TRABD2A: variants seen among roughly 807,000 people sequenced by gnomAD.
TRABD2A encodes metalloprotease TIKI1.
Under a neutral mutation model 45.6 loss-of-function variants are expected in TRABD2A, and 43 were observed. The ratio of observed to expected loss-of-function variants is 0.94; its 90% confidence interval spans 0.74 to 1.22. The LOEUF (loss-of-function observed/expected upper bound fraction) is 1.22, where lower values mean the gene tolerates loss of function less well. TRABD2A is among the 50% of genes most tolerant of loss of function. The pLI, the probability that TRABD2A is intolerant of heterozygous loss-of-function variation, is 0.00. For synonymous variants in TRABD2A, 269 were observed against 265.0 expected (o/e 1.02, Z -0.15); for missense variants, 642 against 652.4 (o/e 0.98, Z 0.17).
At chr2:84,849,542 TG>T (rs200162894) in intron 2 of TRABD2A, 2,396 of 152,402 alleles carry the variant, frequency 0.016, 62 homozygotes, top group South Asian at 0.12. Context: ...CCAGCTCTTT[TG>T]TACACCAGCT....
At chr2:84,844,953 C>A (rs1012304480) in intron 2 of TRABD2A, among the ~76,000 whole-genome samples, 1 of 152,192 alleles carries the variant, frequency 6.6e-6, no homozygotes, top group African/African-American at 2.4e-5. Context: ...ATTTTTCTTT[C>A]TTAAGGTTTT....
At chr2:84,842,867 G>C (rs1245959414) in intron 2 of TRABD2A, among the ~76,000 whole-genome samples, 1 of 152,024 alleles carries the variant, frequency 6.6e-6, no homozygotes, top group Non-Finnish European at 1.5e-5. Flanking sequence ...ACATATTTGA[G>C]GCATACATCA....
At chr2:84,875,548 A>C (rs1683000672) in intron 1 of TRABD2A, among the ~76,000 whole-genome samples, 1 of 152,130 alleles carries the variant, frequency 6.6e-6, no homozygotes, top group Non-Finnish European at 1.5e-5. Context: ...GGTTTTTGAG[A>C]GAGGAGTGAC....
At chr2:84,838,583 T>C (rs1004828192) in intron 4 of TRABD2A, among the ~76,000 whole-genome samples, 8 of 152,240 alleles carry the variant, frequency 5.3e-5, no homozygotes, top group African/African-American at 1.7e-4. Context: ...ATGATCTTTC[T>C]GCATACTGTC....
At chr2:84,857,593 C>G (rs1211757942) in intron 2 of TRABD2A, among the ~76,000 whole-genome samples, 1 of 152,184 alleles carries the variant, frequency 6.6e-6, no homozygotes, top group Non-Finnish European at 1.5e-5. Flanking sequence ...TCTGCAATAT[C>G]CATGATCAGC....
chr2:84,843,317 G>GT (rs1273865065), intron 2 of TRABD2A, among the ~76,000 whole-genome samples: 5 of 152,122 alleles, frequency 3.3e-5, no homozygotes, highest in Non-Finnish European at 7.4e-5. Context: ...TCTTTAGCAA[G>GT]ATGTTTCAAC....
intron 1 of TRABD2A, among the ~76,000 whole-genome samples, chr2:84,876,245 G>A (rs146713770): frequency 1.5e-3 from 236 of 152,298 alleles, no homozygotes; most frequent in African/African-American, 5.5e-3. Flanking sequence ...TCATCACCAT[G>A]TAGATGTTCT....
chr2:84,861,162 G>A (rs979460819), intron 2 of TRABD2A, among the ~76,000 whole-genome samples: 2 of 152,216 alleles, frequency 1.3e-5, no homozygotes, highest in African/African-American at 2.4e-5. Flanking sequence ...GTACAGTTTG[G>A]TGGAAGACAA....
chr2:84,871,058 C>T (rs1380803818), intron 1 of TRABD2A, among the ~76,000 whole-genome samples: 2 of 152,108 alleles, frequency 1.3e-5, no homozygotes, highest in Non-Finnish European at 2.9e-5. Flanking sequence ...ATCTCTGAGT[C>T]CTACCTCCAG....
At chr2:84,877,541 G>A (rs1201392260) in intron 1 of TRABD2A, among the ~76,000 whole-genome samples, 1 of 152,124 alleles carries the variant, frequency 6.6e-6, no homozygotes, top group Admixed American at 6.6e-5. Flanking sequence ...GGAGTTGAAG[G>A]TTACAATGAG....
At chr2:84,844,991 C>T (rs940486897) in intron 2 of TRABD2A, among the ~76,000 whole-genome samples, 6 of 152,294 alleles carry the variant, frequency 3.9e-5, no homozygotes, top group Non-Finnish European at 8.8e-5. Flanking sequence ...ATTGAGTTAC[C>T]CATTGTAACA....
At chr2:84,827,688 T>C (rs939911666) in intron 5 of TRABD2A, among the ~76,000 whole-genome samples, 44 of 152,270 alleles carry the variant, frequency 2.9e-4, no homozygotes, top group Admixed American at 1.9e-3. Context: ...GGACCTTAAG[T>C]TGAGGAGAGT....
intron 3 of TRABD2A, among the ~76,000 whole-genome samples, chr2:84,840,710 C>T (rs1279325026): frequency 6.6e-6 from 1 of 152,230 alleles, no homozygotes; most frequent in East Asian, 1.9e-4. Flanking sequence ...TCCCCCCTTC[C>T]CTACCCTCAG....
intron 2 of TRABD2A, among the ~76,000 whole-genome samples, chr2:84,855,283 T>C (rs1009636071): frequency 2.0e-5 from 3 of 152,176 alleles, no homozygotes; most frequent in Non-Finnish European, 4.4e-5. Context: ...AAAGAACTAT[T>C]GGAAATATTA....
At chr2:84,848,580 C>CAGAG (rs142079006) in intron 2 of TRABD2A, among the ~76,000 whole-genome samples, 13 of 142,192 alleles carry the variant, frequency 9.1e-5, no homozygotes, top group Admixed American at 3.5e-4. Context: ...GAGAGAGAGA[C>CAGAG]AGAGAGAGAG....
At chr2:84,846,990 T>C (rs1681919640) in intron 2 of TRABD2A, among the ~76,000 whole-genome samples, 1 of 152,232 alleles carries the variant, frequency 6.6e-6, no homozygotes, top group South Asian at 2.1e-4. Context: ...TAGTAGTCCA[T>C]GCCTCAGGCT....
chr2:84,864,419 T>C (rs1456135771), intron 2 of TRABD2A, among the ~76,000 whole-genome samples: 1 of 152,228 alleles, frequency 6.6e-6, no homozygotes, highest in Non-Finnish European at 1.5e-5. Flanking sequence ...CAATAAACCC[T>C]GTGTCTCATT....
chr2:84,827,719 G>C (rs969601926), intron 5 of TRABD2A, among the ~76,000 whole-genome samples: 2 of 152,318 alleles, frequency 1.3e-5, no homozygotes, highest in Admixed American at 6.5e-5. Context: ...ATCCAGGGGT[G>C]CCCAATCCAA....
chr2:84,861,589 C>A (rs760519679), intron 2 of TRABD2A, among the ~76,000 whole-genome samples: 14 of 152,244 alleles, frequency 9.2e-5, no homozygotes, highest in Non-Finnish European at 1.9e-4. Context: ...CCATCTGTGG[C>A]GTGGTGATTG....
Sources: gnomAD v4.1 joint callset for allele counts (sites outside exome capture counted in the v4.1 genomes callset) on GRCh38, gnomAD v4.1.1 for gene constraint, MANE v1.5 for transcripts, NCBI Gene and HGNC (gene_info 2026-07-23, HGNC 2026-07-21) for gene names.